Variants in ADAM9 observed in about 807,000 individuals in gnomAD.
ADAM9 encodes disintegrin and metalloproteinase domain-containing protein 9.
Under a neutral mutation model 108.1 loss-of-function variants are expected in ADAM9, and 54 were observed. That is an observed-to-expected ratio of 0.50 (90% CI 0.40 to 0.63). The LOEUF is 0.63. Ranked by LOEUF, ADAM9 falls within the 20% of genes least tolerant of loss-of-function variation. ADAM9 has a pLI of 0.00. For missense variants in ADAM9, 830 were observed against 997.7 expected, an observed-to-expected ratio of 0.83 and a Z score of 2.26; for synonymous variants, 316 against 336.0, an observed-to-expected ratio of 0.94 and a Z score of 0.65.
At chr8:39,040,228 T>G (rs1338490334) in intron 11 of ADAM9, among the ~76,000 whole-genome samples, 5 of 152,110 alleles carry the variant, frequency 3.3e-5, no homozygotes, top group Non-Finnish European at 7.4e-5. Flanking sequence ...TTTTGTATTT[T>G]AGTAGAGACG....
chr8:39,057,168 T>C (rs1467422617), intron 14 of ADAM9, among the ~76,000 whole-genome samples: 2 of 152,064 alleles, frequency 1.3e-5, no homozygotes, highest in African/African-American at 4.8e-5. Flanking sequence ...CCTAGATGTG[T>C]AGTAGGCTAT....
At chr8:39,037,551 G>C (rs1303184660) in intron 11 of ADAM9, among the ~76,000 whole-genome samples, 1 of 148,504 alleles carries the variant, frequency 6.7e-6, no homozygotes, top group Non-Finnish European at 1.5e-5. Context: ...CCAGCCTCCT[G>C]AGTAGCTGGG....
intron 2 of ADAM9, among the ~76,000 whole-genome samples, chr8:39,008,885 A>G (rs1280489060): frequency 1.3e-5 from 2 of 152,190 alleles, no homozygotes; most frequent in Non-Finnish European, 2.9e-5. Context: ...TTGGACTTTA[A>G]TTTTATAAGT....
intron 5 of ADAM9, 50 bp downstream of exon 5, chr8:39,016,244 C>T: frequency 6.8e-7 from 1 of 1,479,480 alleles, no homozygotes; most frequent in Non-Finnish European, 9.4e-7. Context: ...TATGTCTTAC[C>T]CTCTTTCCTG....
At chr8:39,045,646 T>C (rs549601454) in intron 12 of ADAM9, among the ~76,000 whole-genome samples, 3 of 152,042 alleles carry the variant, frequency 2.0e-5, no homozygotes, top group East Asian at 3.9e-4. Flanking sequence ...TTCATGACTT[T>C]GGTATTGTGA....
chr8:39,005,530 C>A (rs556211559), intron 1 of ADAM9, among the ~76,000 whole-genome samples: 1 of 152,302 alleles, frequency 6.6e-6, no homozygotes, highest in East Asian at 1.9e-4. Context: ...CTAACTGATT[C>A]CAATATATGC....
chr8:39,014,720 G>T, intron 4 of ADAM9: 1 of 533,422 alleles, frequency 1.9e-6, no homozygotes, highest in Non-Finnish European at 3.3e-6. Context: ...CATTACATGT[G>T]TATGTTTTAT....
At chr8:39,102,234 G>A (rs2129443653) in intron 21 of ADAM9, among the ~76,000 whole-genome samples, 1 of 152,274 alleles carries the variant, frequency 6.6e-6, no homozygotes. Context: ...AGATGGGTTG[G>A]AACAGCCTTC....
At chr8:39,084,419 A>G (rs941564906) in intron 18 of ADAM9, among the ~76,000 whole-genome samples, 6 of 150,800 alleles carry the variant, frequency 4.0e-5, no homozygotes, top group East Asian at 1.9e-4. Context: ...CTCCATGTTC[A>G]TTCAGTTCTG....
At chr8:39,026,178 C>T (rs1311605338) in intron 10 of ADAM9, among the ~76,000 whole-genome samples, 1 of 152,102 alleles carries the variant, frequency 6.6e-6, no homozygotes, top group Non-Finnish European at 1.5e-5. Flanking sequence ...TGGTGGTTTG[C>T]TGCACCTATC....
intron 20 of ADAM9, among the ~76,000 whole-genome samples, chr8:39,100,797 A>G (rs1839670173): frequency 6.6e-6 from 1 of 152,226 alleles, no homozygotes; most frequent in Admixed American, 6.5e-5. Context: ...TAGATAGTAA[A>G]GAACATCTTG....
chr8:39,017,497 G>A, intron 6 of ADAM9, 83 bp downstream of exon 6: 1 of 1,406,522 alleles, frequency 7.1e-7, no homozygotes, highest in Non-Finnish European at 9.9e-7. Context: ...AATACTATGA[G>A]TAGTGTTTTT....
chr8:39,103,801 A>T lies in ADAM9; in HGVS notation c.*101A>T, dbSNP rs1564397530. ...AAAAGCCTTTCTGTTGCAACTATGA[A>T]TGAAAACAAAACACCACAAAACAGA... On this transcript the variant is annotated 3_prime_UTR_variant, in exon 22 of 22. Transcript: ENST00000487273. 1 of 1,133,142 alleles carries T rather than the reference A, an allele frequency of 8.8e-7. No homozygotes were observed. The highest frequency in any genetic ancestry group is 1.3e-6 in the Non-Finnish European group (1 of 758,060). 70.2% of individuals were successfully genotyped at this position (1,133,142 alleles called of 1,614,324 possible).
chr8:39,077,202 G>A (rs758913475), intron 15 of ADAM9, 26 bp from the exon 16 acceptor site: 2 of 1,612,700 alleles, frequency 1.2e-6, no homozygotes, highest in Non-Finnish European at 1.7e-6. Flanking sequence ...TGCATTTTAT[G>A]TTGCATTATT....
At chr8:39,001,209 T>C (rs1835982355) in intron 1 of ADAM9, among the ~76,000 whole-genome samples, 1 of 152,188 alleles carries the variant, frequency 6.6e-6, no homozygotes, top group Non-Finnish European at 1.5e-5. Flanking sequence ...TACAATGAAA[T>C]ACGATTTTGC....
chr8:39,083,138 C>G, intron 18 of ADAM9, 65 bp downstream of exon 18: 2 of 1,182,026 alleles, frequency 1.7e-6, no homozygotes, highest in South Asian at 1.2e-5. Flanking sequence ...TGGGCATCCT[C>G]GTACCTCTCC....
chr8:39,077,844 G>A (rs1024013823), intron 16 of ADAM9, among the ~76,000 whole-genome samples: 1 of 152,166 alleles, frequency 6.6e-6, no homozygotes, highest in Non-Finnish European at 1.5e-5. Context: ...CTTATTACTA[G>A]TGGTTTCATA....
chr8:39,014,528 C>T lies in ADAM9; in HGVS notation c.333+485C>T, dbSNP rs114452589. The T allele has an allele frequency of 1.5e-3, 1,053 of 702,392 alleles. 10 individuals carry two copies. In the African/African-American group the frequency reaches 0.017, roughly 11 times the overall value. The allele number at this position is 702,392 out of a possible 1,614,324, so 43.5% of individuals were successfully genotyped here. On this transcript the variant is annotated intron_variant, in intron 4 of 21. Coordinates refer to ENST00000487273, the MANE Select transcript of ADAM9 (RefSeq NM_003816.3). ...TCTCTGCATCAGAGAACAGAGTACT[C>T]CTGGGGACAGAGCTGGCCAGAATAC...
chr8:39,071,159 GC>G, intron 14 of ADAM9, 138 bp from the exon 15 acceptor site: 1 of 665,820 alleles, frequency 1.5e-6, no homozygotes, highest in Non-Finnish European at 2.6e-6. Context: ...CATGTGTGAG[GC>G]AGGAAAGGTT....
Sources: allele counts gnomAD v4.1 joint callset (sites outside exome capture counted in the v4.1 genomes callset), GRCh38; gene constraint gnomAD v4.1.1; transcripts MANE v1.5; gene names NCBI Gene and HGNC (gene_info 2026-07-23, HGNC 2026-07-21).